The following INTS3 variants were observed in gnomAD, a reference collection of about 807,000 sequenced individuals.
INTS3 encodes the protein SOSS complex subunit A.
INTS3 carries 34 observed loss-of-function variants against 146.3 expected under a neutral mutation model. The observed-to-expected ratio is 0.23, with a 90% confidence interval of 0.18 to 0.31. The LOEUF (loss-of-function observed/expected upper bound fraction) is 0.31. Ranked by LOEUF, INTS3 falls within the 10% of genes least tolerant of loss-of-function variation. The pLI is 1.00. For synonymous variants in INTS3, 475 were observed against 494.9 expected (o/e 0.96, Z 0.53); for missense variants, 757 against 1,304.2 (o/e 0.58, Z 6.46).
chr1:153,751,683 T>G (rs1202521104), intron 7 of INTS3, among the ~76,000 whole-genome samples: 1 of 152,236 alleles, frequency 6.6e-6, no homozygotes, highest in Non-Finnish European at 1.5e-5. Flanking sequence ...CAGGCTGATC[T>G]CAAACTCCTG....
intron 10 of INTS3, among the ~76,000 whole-genome samples, chr1:153,759,295 G>A (rs570207164): frequency 5.8e-4 from 88 of 151,350 alleles, no homozygotes; most frequent in African/African-American, 2.0e-3. Flanking sequence ...AAAAAGGTTC[G>A]GGGGGTACCT....
chr1:153,740,788 C>T (rs1671500020), intron 2 of INTS3, 54 bp downstream of exon 2: 1 of 1,383,204 alleles, frequency 7.2e-7, no homozygotes, highest in Admixed American at 1.7e-5. Context: ...GGTCTTGAAA[C>T]ATGGTCAAAA....
Position 153,768,968 on chromosome 1 carries a change from A to C in INTS3, c.2313+7A>C. On this transcript the variant is annotated splice_region_variant and intron_variant, in intron 22 of 29. Transcript: ENST00000318967. ...TGTTATTGACTCTGCACAGGTGAAC[A>C]TTGAGCTCTGACCTCCCCAGAAGAT... 1 of 1,611,536 alleles carries C rather than the reference A, an allele frequency of 6.2e-7. No homozygotes were observed. The highest frequency in any genetic ancestry group is 1.1e-5 in the South Asian group (1 of 91,022).
chr1:153,747,149 A>AAGATCCAGCTCAAAGAGAGAGGATGG, intron 4 of INTS3, 79 bp downstream of exon 4: 1 of 1,292,544 alleles, frequency 7.7e-7, no homozygotes, highest in Non-Finnish European at 1.1e-6. Flanking sequence ...GGGAAAGAGG[A>AAGATCCAGCTCAAAGAGAGAGGATGG]ATCAGGGCTA....
chr1:153,759,849 G>A, intron 11 of INTS3: 1 of 558,574 alleles, frequency 1.8e-6, no homozygotes, highest in Middle Eastern at 4.7e-4. Context: ...TCTTCAGGAG[G>A]GGAGGGCATG....
intron 20 of INTS3, among the ~76,000 whole-genome samples, chr1:153,766,115 CTTTTT>C (rs542483679): frequency 2.4e-5 from 2 of 84,648 alleles, no homozygotes; most frequent in African/African-American, 5.3e-5. Flanking sequence ...TTTTCTTTCT[CTTTTT>C]TTTTTTTTTT....
intron 7 of INTS3, chr1:153,752,030 T>A (rs759304543): frequency 4.5e-5 from 22 of 488,546 alleles, no homozygotes; most frequent in African/African-American, 4.4e-4. Flanking sequence ...GGAGGTAGAT[T>A]AATGTGAAAG....
chr1:153,757,758 T>A lies in INTS3; in HGVS notation c.1144T>A (p.Cys382Ser). The change falls in exon 10 of 30, where the codon TGC becomes AGC. Residue 382 changes from cysteine (C) to serine (S), a missense_variant. Coordinates refer to ENST00000318967, the MANE Select transcript of INTS3 (RefSeq NM_023015.5). This position sits in a 1 kb window ranked among gnomAD's most constrained non-coding sequence, Gnocchi z 4.0. ...WAIIGWLLTT[C>S]TSNVAASNAK... ...CATCATTGGTTGGCTCCTGACAACG[T>A]GCACGGTGAGGGCAAAAGATACTGG... The A allele has an allele frequency of 1.2e-6, 2 of 1,612,992 alleles. No homozygotes were observed. Among genetic ancestry groups the A allele is most frequent in the Non-Finnish European group, 1.7e-6 (2 of 1,179,784 alleles).
rs1395484391 is a variant in INTS3 at position 153,772,631 on chromosome 1, TC to T, written c.2822-6del. On this transcript the variant is annotated splice_polypyrimidine_tract_variant and splice_region_variant and intron_variant, in intron 27 of 29. Transcript: ENST00000318967. The surrounding 1 kb of genome is among the most constrained non-coding windows in gnomAD (Gnocchi z 4.6). ...TTTCCTTCCCTGCTCTCCCTTTTCTTCCTCTAGTTTTTAGCCAGACGCCAAT... is the reference window on the plus strand; with the variant it reads ...TTTCCTTCCCTGCTCTCCCTTTTCTTCTCTAGTTTTTAGCCAGACGCCAAT... 1 of 1,614,156 alleles carries T rather than the reference TC, an allele frequency of 6.2e-7. No individual in the cohort carries two copies. The highest frequency in any genetic ancestry group is 1.7e-5 in the Admixed American group (1 of 60,026).
chr1:153,742,061 T>C (rs1466102977), intron 3 of INTS3, among the ~76,000 whole-genome samples: 1 of 152,134 alleles, frequency 6.6e-6, no homozygotes, highest in East Asian at 1.9e-4. Context: ...CAAAGGAAAA[T>C]CATTTCCGGG....
chr1:153,771,099 T>C (rs1015604727), intron 25 of INTS3, among the ~76,000 whole-genome samples: 2 of 143,762 alleles, frequency 1.4e-5, no homozygotes, highest in South Asian at 2.2e-4. Flanking sequence ...GGAGGGAGGG[T>C]CAGGGTAGAG....
intron 5 of INTS3, 27 bp from the exon 6 acceptor site, chr1:153,748,662 A>G (rs746379199): frequency 1.3e-6 from 2 of 1,597,500 alleles, no homozygotes; most frequent in Admixed American, 1.7e-5. Context: ...AATCGGAGCT[A>G]TTCTTTTTTT....
In INTS3 at chr1:153,728,613, T is replaced by C. The variant is rs912847655; in HGVS notation, c.-22T>C. 1.6e-5 allele frequency: 26 copies of C among 1,594,262 alleles called. No homozygotes were observed. The highest frequency in any genetic ancestry group is 1.1e-4 in the Admixed American group (6 of 54,762). On this transcript the variant is annotated 5_prime_UTR_variant, in exon 1 of 30. Transcript: ENST00000318967. The stretch of plus-strand genomic sequence containing the variant: ...GTCCATCCATCCACTCCCTGACCTT[T>C]TCCCGGCTCCTGGCTGCAGCCATGG...
chr1:153,736,587 C>T (rs368581809), intron 1 of INTS3, among the ~76,000 whole-genome samples: 2 of 151,514 alleles, frequency 1.3e-5, no homozygotes, highest in South Asian at 2.1e-4. Context: ...GCTGGGATTA[C>T]AGGCGCATGC....
At chr1:153,753,343 G>A (rs970847892) in intron 8 of INTS3, among the ~76,000 whole-genome samples, 60 of 151,856 alleles carry the variant, frequency 4.0e-4, no homozygotes, top group African/African-American at 1.5e-3. Flanking sequence ...CGGATCACGG[G>A]GTCAAGAGTT....
At chr1:153,740,790 T>C in intron 2 of INTS3, 56 bp downstream of exon 2, 1 of 1,371,972 alleles carries the variant, frequency 7.3e-7, no homozygotes. Context: ...TCTTGAAACA[T>C]GGTCAAAAAG....
At position 153,755,414 on chromosome 1, in the gene INTS3, C is replaced by T. The variant is rs1312127037; in HGVS notation, c.957+675C>T. ...AAGTAGCTAGGATTACAGGCATGCA[C>T]CACACCTGGCAAATTTTGTATTTTT... On this transcript the variant is annotated intron_variant, in intron 9 of 29. Transcript: ENST00000318967. Among the ~76,000 whole-genome samples the T allele has an allele frequency of 2.0e-5, 3 of 152,256 alleles. 1 individual carries two copies. The highest frequency in any genetic ancestry group is 1.3e-4 in the Admixed American group (2 of 15,298).
chr1:153,768,461 C>T (rs1310177832), intron 21 of INTS3, among the ~76,000 whole-genome samples: 1 of 152,200 alleles, frequency 6.6e-6, no homozygotes, highest in African/African-American at 2.4e-5. Flanking sequence ...CCCCACACAC[C>T]TCCAGACATA....
intron 9 of INTS3, among the ~76,000 whole-genome samples, chr1:153,756,946 T>G (rs1233687851): frequency 6.6e-6 from 1 of 152,236 alleles, no homozygotes; most frequent in Non-Finnish European, 1.5e-5. Flanking sequence ...TTTGTTTGTT[T>G]TTTTACCTTT....
Sources: allele counts gnomAD v4.1 joint callset (sites outside exome capture counted in the v4.1 genomes callset), GRCh38; gene constraint gnomAD v4.1.1; non-coding constraint Gnocchi (gnomAD v3.1); transcripts MANE v1.5; gene names NCBI Gene and HGNC (gene_info 2026-07-23, HGNC 2026-07-21).